The following SLC4A4 variants were observed in gnomAD, a reference collection of about 807,000 sequenced individuals.
SLC4A4 encodes electrogenic sodium bicarbonate cotransporter 1.
In SLC4A4, 27 loss-of-function variants were observed where a neutral mutation model predicts 111.5. That is an observed-to-expected ratio of 0.24 (90% CI 0.18 to 0.33). SLC4A4 has a LOEUF of 0.33. Among genes scored for constraint, SLC4A4 ranks in the 10% least tolerant of loss-of-function variants. The pLI is 1.00. For missense variants in SLC4A4, 909 were observed against 1,315.5 expected, an observed-to-expected ratio of 0.69 and a Z score of 4.78; for synonymous variants, 443 against 463.4, an observed-to-expected ratio of 0.96 and a Z score of 0.57.
chr4:71,306,288 A>T (rs1034411016), intron 3 of SLC4A4, among the ~76,000 whole-genome samples: 8 of 152,188 alleles, frequency 5.3e-5, no homozygotes, highest in Admixed American at 5.2e-4. Context: ...CTTGTCTATA[A>T]AATGGGATAA....
At chr4:71,440,590 G>A (rs1393708301) in intron 7 of SLC4A4, 26 bp from the exon 8 acceptor site, 6 of 1,613,894 alleles carry the variant, frequency 3.7e-6, no homozygotes, top group African/African-American at 2.7e-5. Context: ...GAACTAAATT[G>A]TGTTTCCTTG....
At chr4:71,248,447 TA>T (rs1444608752) in intron 2 of SLC4A4, among the ~76,000 whole-genome samples, 3 of 150,862 alleles carry the variant, frequency 2.0e-5, no homozygotes, top group African/African-American at 7.3e-5. Context: ...TATATAGATA[TA>T]ATTATATAGA....
chr4:71,534,155 C>T (rs966721717), intron 17 of SLC4A4, 72 bp from the exon 18 acceptor site: 104 of 1,253,412 alleles, frequency 8.3e-5, no homozygotes, highest in Admixed American at 2.4e-4. Flanking sequence ...CATGTCTTCC[C>T]GTTGGTTTTT....
At chr4:71,522,394 C>G (rs898750198) in intron 16 of SLC4A4, among the ~76,000 whole-genome samples, 7 of 152,140 alleles carry the variant, frequency 4.6e-5, no homozygotes, top group African/African-American at 1.7e-4. Context: ...CCATCACGCA[C>G]CTTATGTGCC....
At chr4:71,142,763 T>TA (rs1744040209) in intron 2 of SLC4A4, among the ~76,000 whole-genome samples, 1 of 13,140 alleles carries the variant, frequency 7.6e-5, no homozygotes, top group African/African-American at 1.3e-4. Context: ...TTCTCACTCT[T>TA]TTTTTTTTTT....
chr4:71,260,827 G>T (rs1044714353), intron 3 of SLC4A4, among the ~76,000 whole-genome samples: 1 of 152,098 alleles, frequency 6.6e-6, no homozygotes, highest in Non-Finnish European at 1.5e-5. Context: ...GGGGATGATC[G>T]ATTTTAATCA....
chr4:71,465,227 G>T (rs1268525032), intron 12 of SLC4A4, among the ~76,000 whole-genome samples: 1 of 151,982 alleles, frequency 6.6e-6, no homozygotes, highest in Non-Finnish European at 1.5e-5. Flanking sequence ...TATACCAAGA[G>T]ATCACATGAT....
upstream of SLC4A4, among the ~76,000 whole-genome samples, chr4:71,184,010 C>T (rs537961299): frequency 3.9e-5 from 6 of 152,008 alleles, no homozygotes; most frequent in Non-Finnish European, 7.4e-5. Context: ...TGAAAAAATC[C>T]AAATATAATA....
At chr4:71,536,457 C>CATAT (rs1238920856) in intron 18 of SLC4A4, among the ~76,000 whole-genome samples, 810 of 31,308 alleles carry the variant, frequency 0.026, 24 homozygotes, top group South Asian at 0.038. Context: ...TACATATATA[C>CATAT]ATATATACAT....
chr4:71,358,630 C>T (rs1194619069), intron 6 of SLC4A4, among the ~76,000 whole-genome samples: 2 of 152,082 alleles, frequency 1.3e-5, no homozygotes, highest in African/African-American at 2.4e-5. Context: ...AGTATTTCTA[C>T]TACAGTTTGA....
At chr4:71,447,529 A>T in intron 8 of SLC4A4, 117 bp from the exon 9 acceptor site, 1 of 725,790 alleles carries the variant, frequency 1.4e-6, no homozygotes, top group East Asian at 2.7e-5. Context: ...CCTTTGTTTT[A>T]AAGGTGAATT....
intron 2 of SLC4A4, among the ~76,000 whole-genome samples, chr4:71,097,239 C>T (rs1201984310): frequency 6.6e-6 from 1 of 152,122 alleles, no homozygotes; most frequent in African/African-American, 2.4e-5. Flanking sequence ...GAGTGCTCCT[C>T]ATTTAGCTCC....
chr4:71,067,454 C>A (rs1741550764), intron 1 of SLC4A4, among the ~76,000 whole-genome samples: 1 of 152,120 alleles, frequency 6.6e-6, no homozygotes, highest in African/African-American at 2.4e-5. Flanking sequence ...TGATTATTGG[C>A]TATTTTGTTC....
At chr4:71,434,171 G>A (rs1352642211) in intron 7 of SLC4A4, among the ~76,000 whole-genome samples, 1 of 151,964 alleles carries the variant, frequency 6.6e-6, no homozygotes, top group Non-Finnish European at 1.5e-5. Flanking sequence ...GGTGTGGGAT[G>A]TTTTTTCTTT....
chr4:71,129,684 C>T (rs939489024), intron 2 of SLC4A4, among the ~76,000 whole-genome samples: 1 of 150,118 alleles, frequency 6.7e-6, no homozygotes, highest in African/African-American at 2.5e-5. Context: ...CATTGCAGCA[C>T]TACTCACAAT....
At chr4:71,332,541 T>C (rs1284853654) in intron 3 of SLC4A4, among the ~76,000 whole-genome samples, 5 of 151,052 alleles carry the variant, frequency 3.3e-5, no homozygotes, top group Non-Finnish European at 5.9e-5. Flanking sequence ...GCCTTCCGGG[T>C]TCACGCCATT....
At chr4:71,278,337 C>T (rs1723236322) in intron 3 of SLC4A4, among the ~76,000 whole-genome samples, 2 of 152,114 alleles carry the variant, frequency 1.3e-5, no homozygotes, top group African/African-American at 4.8e-5. Flanking sequence ...ATCCATTCAT[C>T]TCTGGATGGA....
chr4:71,102,320 G>C (rs1301304344), intron 2 of SLC4A4, among the ~76,000 whole-genome samples: 3 of 150,278 alleles, frequency 2.0e-5, no homozygotes, highest in African/African-American at 4.9e-5. Context: ...GTGATGGGGA[G>C]AATGGAACCA....
chr4:71,308,626 G>A (rs1725887308), intron 3 of SLC4A4, among the ~76,000 whole-genome samples: 1 of 151,868 alleles, frequency 6.6e-6, no homozygotes, highest in African/African-American at 2.4e-5. Flanking sequence ...AAGGGGCCGG[G>A]GGACTCCCTC....
Sources: gnomAD v4.1 joint callset for allele counts (sites outside exome capture counted in the v4.1 genomes callset) on GRCh38, gnomAD v4.1.1 for gene constraint, MANE v1.5 for transcripts, NCBI Gene and HGNC (gene_info 2026-07-23, HGNC 2026-07-21) for gene names.